The following NCAM1 variants were observed in gnomAD, a reference collection of about 807,000 sequenced individuals.
NCAM1 encodes the protein neural cell adhesion molecule 1, also known as antigen recognized by monoclonal antibody 5.1H11.
Under a neutral mutation model 109.8 loss-of-function variants are expected in NCAM1, and 14 were observed. That is an observed-to-expected ratio of 0.13 (90% confidence interval 0.08 to 0.20). The LOEUF is 0.20. Ranked by LOEUF, NCAM1 falls within the 10% of genes least tolerant of loss-of-function variation. The probability of loss-of-function intolerance (pLI) is 1.00; values close to 1 mark genes in which losing one functional copy is unlikely to be tolerated. For missense variants in NCAM1, 774 were observed against 1,109.9 expected (o/e 0.70, Z 4.30); for synonymous variants, 418 against 442.9 (o/e 0.94, Z 0.70).
rs1385475560 is a variant in NCAM1 at position 113,237,911 on chromosome 11, T to G, written c.1825+2747T>G. The stretch of plus-strand genomic sequence containing the variant: ...ATATAGATATAGATATATAGATATA[T>G]ATAGATATATAGATATAGATATATA... On this transcript the variant is annotated intron_variant, in intron 14 of 19. Coordinates refer to ENST00000316851, the MANE Select transcript of NCAM1 (RefSeq NM_181351.5). Among the ~76,000 whole-genome samples the G allele has an allele frequency of 1.2e-3, 79 of 63,336 alleles. 4 individuals are homozygous for G. The highest frequency in any genetic ancestry group is 3.1e-3 in the African/African-American group (77 of 25,164). 41.6% of individuals were successfully genotyped at this position (63,336 alleles called of 152,430 possible). A position where few individuals can be genotyped will look rare whatever the true frequency, so the allele number is the denominator to read the frequency against.
chr11:113,184,768 C>A (rs371867042), intron 1 of NCAM1, among the ~76,000 whole-genome samples: 1 of 152,050 alleles, frequency 6.6e-6, no homozygotes, highest in African/African-American at 2.4e-5. Flanking sequence ...TCAGCTGACA[C>A]TTATGGAGAC....
chr11:113,259,892 C>T (rs782412966), intron 16 of NCAM1, among the ~76,000 whole-genome samples: 7 of 151,896 alleles, frequency 4.6e-5, no homozygotes, highest in Non-Finnish European at 5.9e-5. Context: ...TTAGTACAGA[C>T]GGGTTTTCAC....
intron 1 of NCAM1, among the ~76,000 whole-genome samples, chr11:113,052,900 T>C (rs1010291807): frequency 6.6e-5 from 10 of 152,118 alleles, no homozygotes; most frequent in African/African-American, 2.4e-4. Flanking sequence ...CCTCCCTGTG[T>C]CCATACTCTT....
chr11:113,220,465 T>G (rs1944652806), intron 8 of NCAM1, among the ~76,000 whole-genome samples: 1 of 152,164 alleles, frequency 6.6e-6, no homozygotes, highest in Non-Finnish European at 1.5e-5. Flanking sequence ...TGTTCCTTTT[T>G]GGCAATAAAA....
At chr11:113,197,536 T>C (rs1555111042) in intron 1 of NCAM1, among the ~76,000 whole-genome samples, 2 of 152,216 alleles carry the variant, frequency 1.3e-5, no homozygotes, top group Non-Finnish European at 2.9e-5. Context: ...ACTGATGATA[T>C]TTATCCTGTT....
chr11:112,990,683 A>T (rs1011937431), intron 1 of NCAM1, among the ~76,000 whole-genome samples: 2 of 151,698 alleles, frequency 1.3e-5, no homozygotes, highest in African/African-American at 4.8e-5. Flanking sequence ...AGTGGGTGTG[A>T]TTTTTTCTGG....
intron 1 of NCAM1, among the ~76,000 whole-genome samples, chr11:113,164,388 T>G (rs1315670003): frequency 6.6e-6 from 1 of 152,172 alleles, no homozygotes; most frequent in Non-Finnish European, 1.5e-5. Flanking sequence ...TCTGACACTG[T>G]CTACCTGGAG....
At chr11:113,036,008 C>T (rs2135385880) in intron 1 of NCAM1, among the ~76,000 whole-genome samples, 1 of 152,110 alleles carries the variant, frequency 6.6e-6, no homozygotes, top group Admixed American at 6.5e-5. Context: ...CAGCATGGCC[C>T]AGTCACTTCT....
At chr11:113,148,112 C>A (rs1490479063) in intron 1 of NCAM1, among the ~76,000 whole-genome samples, 1 of 152,216 alleles carries the variant, frequency 6.6e-6, no homozygotes, top group Non-Finnish European at 1.5e-5. Context: ...CCTCCTTTCA[C>A]TTTCCTTAAT....
In NCAM1 at chr11:113,273,728, G is replaced by T. The variant is rs986589886; in HGVS notation, c.2457-1539G>T. On this transcript the variant is annotated intron_variant, in intron 19 of 19. Coordinates refer to ENST00000316851, the MANE Select transcript of NCAM1 (RefSeq NM_181351.5). This position sits in a 1 kb window ranked among gnomAD's most constrained non-coding sequence, Gnocchi z 6.0. Reference sequence around the variant, plus strand: ...CTTCCACTGCAGACAGCTCTGTTTCGCCTGCGCCAGCAAAGACCGAGTACG... The same window carrying T: ...CTTCCACTGCAGACAGCTCTGTTTCTCCTGCGCCAGCAAAGACCGAGTACG... The T allele has an allele frequency of 2.2e-6, 1 of 446,896 alleles. No individual in the cohort carries two copies. Among genetic ancestry groups the T allele is most frequent in the Middle Eastern group, 3.3e-4 (1 of 3,018 alleles). The allele number at this position is 446,896 out of a possible 1,614,324, so 27.7% of individuals were successfully genotyped here.
intron 15 of NCAM1, among the ~76,000 whole-genome samples, chr11:113,254,170 C>G (rs1427936516): frequency 6.6e-6 from 1 of 152,172 alleles, no homozygotes; most frequent in Non-Finnish European, 1.5e-5. Context: ...TTTGGAAAGC[C>G]TAAATACCTT....
chr11:113,037,483 G>A (rs527588979), intron 1 of NCAM1, among the ~76,000 whole-genome samples: 13 of 152,242 alleles, frequency 8.5e-5, no homozygotes, highest in Admixed American at 7.2e-4. Flanking sequence ...CCTCAGACTG[G>A]TGCTGGTATG....
Position 113,231,378 on chromosome 11 carries a change from A to G in NCAM1, c.1090-267A>G, listed in dbSNP as rs188212037. On this transcript the variant is annotated intron_variant, in intron 9 of 19. Transcript: ENST00000316851. ...TCTTGGGGGACCTAGCCCCAAACCA[A>G]TCTTGGTACTTAGATCAGGCTGCCT... 455 of 1,312,690 alleles carry G rather than the reference A, an allele frequency of 3.5e-4. No homozygotes were observed. The African/African-American group carries it at 5.6e-3, about 16-fold the overall frequency. The allele number at this position is 1,312,690 out of a possible 1,614,324, so 81.3% of individuals were successfully genotyped here. A position where few individuals can be genotyped will look rare whatever the true frequency, so the allele number is the denominator to read the frequency against.
At chr11:113,246,427 G>T in intron 15 of NCAM1, 57 bp downstream of exon 15, 2 of 717,246 alleles carry the variant, frequency 2.8e-6, no homozygotes, top group Non-Finnish European at 2.5e-6. Flanking sequence ...CTGGCACATA[G>T]GGCACACTCA....
At chr11:113,101,853 A>G (rs1939891299) in intron 1 of NCAM1, among the ~76,000 whole-genome samples, 1 of 152,192 alleles carries the variant, frequency 6.6e-6, no homozygotes, top group South Asian at 2.1e-4. Flanking sequence ...ATTTCCCAAG[A>G]TGTGCTTCCC....
At chr11:113,006,290 C>G (rs1263150634) in intron 1 of NCAM1, among the ~76,000 whole-genome samples, 1 of 152,144 alleles carries the variant, frequency 6.6e-6, no homozygotes, top group Non-Finnish European at 1.5e-5. Context: ...CTGCTATTCA[C>G]TAGGGATTCA....
rs1169450924 is a variant in NCAM1, at chr11:113,270,171, T to A, written c.2132-17T>A. 6.2e-7 allele frequency: 1 copy of A among 1,613,280 alleles called. No individual in the cohort carries two copies. Among genetic ancestry groups the A allele is most frequent in the African/African-American group, 1.3e-5 (1 of 74,914 alleles). Reference sequence around the variant, plus strand: ...ATCTCAGTCTGTTAACCACCAGCCATCTCTCTCCCACTCAAGCCAACGGCA... The same window carrying A: ...ATCTCAGTCTGTTAACCACCAGCCAACTCTCTCCCACTCAAGCCAACGGCA... On this transcript the variant is annotated splice_polypyrimidine_tract_variant and intron_variant, in intron 17 of 19. Coordinates refer to ENST00000316851, the MANE Select transcript of NCAM1 (RefSeq NM_181351.5).
At chr11:113,100,601 G>A (rs952996935) in intron 1 of NCAM1, among the ~76,000 whole-genome samples, 1 of 152,036 alleles carries the variant, frequency 6.6e-6, no homozygotes, top group Non-Finnish European at 1.5e-5. Flanking sequence ...CTGGAGTTTG[G>A]GATAGCTGAA....
At chr11:113,271,369 CAAAAAAAAAAAAAAAAAAA>C (rs71060298) in intron 18 of NCAM1, among the ~76,000 whole-genome samples, 2 of 66,874 alleles carry the variant, frequency 3.0e-5, no homozygotes, top group Admixed American at 4.7e-4. Context: ...GACTCTGTCT[CAAAAAAAAAAAAAAAAAAA>C]AAAAAAAAGA....
Sources: gnomAD v4.1 joint callset for allele counts (sites outside exome capture counted in the v4.1 genomes callset) on GRCh38, gnomAD v4.1.1 for gene constraint, Gnocchi (gnomAD v3.1) non-coding constraint, MANE v1.5 for transcripts, NCBI Gene and HGNC (gene_info 2026-07-23, HGNC 2026-07-21) for gene names.